INPP4B: variants seen among roughly 807,000 people sequenced by gnomAD.
INPP4B encodes inositol polyphosphate 4-phosphatase type II.
In INPP4B, 55 loss-of-function variants were observed where a neutral mutation model predicts 122.5. The ratio of observed to expected loss-of-function variants is 0.45; its 90% CI spans 0.36 to 0.56. INPP4B has a LOEUF of 0.56. Ranked by LOEUF, INPP4B falls within the 20% of genes least tolerant of loss-of-function variation. INPP4B has a pLI of 0.00. For synonymous variants in INPP4B, 403 were observed against 388.7 expected (o/e 1.04, Z -0.43); for missense variants, 1,000 against 1,097.7 (o/e 0.91, Z 1.26).
intron 2 of INPP4B, among the ~76,000 whole-genome samples, chr4:142,607,294 A>G (rs912367008): frequency 3.3e-5 from 5 of 152,108 alleles, no homozygotes; most frequent in Non-Finnish European, 7.4e-5. Context: ...TACATATAAA[A>G]GTAGTCAAAT....
chr4:142,070,542 A>G (rs1470426544), intron 25 of INPP4B, among the ~76,000 whole-genome samples: 1 of 152,178 alleles, frequency 6.6e-6, no homozygotes, highest in Non-Finnish European at 1.5e-5. Flanking sequence ...AGAGGAAGTC[A>G]AATTTCCCCT....
At chr4:142,467,498 C>A (rs758848538) in intron 2 of INPP4B, among the ~76,000 whole-genome samples, 1 of 152,106 alleles carries the variant, frequency 6.6e-6, no homozygotes, top group Non-Finnish European at 1.5e-5. Flanking sequence ...AATGCTTATA[C>A]CACCATTGTA....
chr4:142,153,532 G>A (rs1027987518), intron 17 of INPP4B, among the ~76,000 whole-genome samples: 21 of 152,086 alleles, frequency 1.4e-4, no homozygotes, highest in Admixed American at 7.9e-4. Context: ...TTTTGAACCA[G>A]GCATTATAAA....
chr4:142,732,698 T>C (rs187613139), intron 1 of INPP4B, among the ~76,000 whole-genome samples: 36 of 152,126 alleles, frequency 2.4e-4, no homozygotes, highest in African/African-American at 7.2e-4. Flanking sequence ...CAAAAATAAA[T>C]GGAGAGAGAT....
intron 7 of INPP4B, among the ~76,000 whole-genome samples, chr4:142,363,401 T>C (rs919291010): frequency 1.3e-5 from 2 of 151,992 alleles, no homozygotes; most frequent in Non-Finnish European, 2.9e-5. Context: ...ATTATAATTA[T>C]ATAGAGCTAT....
At chr4:142,657,122 G>C (rs1017287536) in intron 2 of INPP4B, among the ~76,000 whole-genome samples, 3 of 152,126 alleles carry the variant, frequency 2.0e-5, no homozygotes, top group Admixed American at 2.0e-4. Flanking sequence ...GGTCCTCTGT[G>C]TGTGTACTGT....
intron 3 of INPP4B, among the ~76,000 whole-genome samples, chr4:142,435,054 C>G (rs750404700): frequency 6.6e-6 from 1 of 152,150 alleles, no homozygotes; most frequent in Non-Finnish European, 1.5e-5. Context: ...ATTGCTGTGT[C>G]TCAATGGACA....
intron 7 of INPP4B, among the ~76,000 whole-genome samples, chr4:142,350,886 T>C (rs899664443): frequency 6.6e-5 from 10 of 152,026 alleles, no homozygotes; most frequent in Non-Finnish European, 1.3e-4. Flanking sequence ...CTCAAAACCA[T>C]GTTTATCCTG....
chr4:142,088,816 T>C (rs1561076792), intron 23 of INPP4B, among the ~76,000 whole-genome samples: 1 of 152,186 alleles, frequency 6.6e-6, no homozygotes, highest in Non-Finnish European at 1.5e-5. Flanking sequence ...ATTCTTACGA[T>C]ATAAAGACCC....
chr4:142,548,219 G>C (rs28705195), intron 2 of INPP4B, among the ~76,000 whole-genome samples: 2,569 of 152,252 alleles, frequency 0.017, 64 homozygotes, highest in African/African-American at 0.058. Flanking sequence ...AGTCATGACA[G>C]AGCAATGTTT....
chr4:142,211,720 T>C (rs1486257448), intron 12 of INPP4B, among the ~76,000 whole-genome samples: 1 of 152,218 alleles, frequency 6.6e-6, no homozygotes, highest in East Asian at 1.9e-4. Context: ...TACTCTATGT[T>C]TCATCGATAA....
intron 5 of INPP4B, among the ~76,000 whole-genome samples, chr4:142,409,557 A>G (rs1804173943): frequency 6.6e-6 from 1 of 152,082 alleles, no homozygotes; most frequent in South Asian, 2.1e-4. Flanking sequence ...CTGAGACTCT[A>G]TCTCAAAAAA....
chr4:142,645,287 T>C (rs1387716775), intron 2 of INPP4B, among the ~76,000 whole-genome samples: 5 of 152,196 alleles, frequency 3.3e-5, no homozygotes, highest in Admixed American at 6.6e-5. Context: ...CATTAGGATG[T>C]AGAGGTTCTC....
chr4:142,224,137 G>T (rs146353048), intron 12 of INPP4B, among the ~76,000 whole-genome samples: 1 of 152,264 alleles, frequency 6.6e-6, no homozygotes, highest in East Asian at 1.9e-4. Flanking sequence ...GAAATAGCTA[G>T]ATATAAAATC....
intron 24 of INPP4B, among the ~76,000 whole-genome samples, chr4:142,084,284 C>T (rs559255797): frequency 2.4e-4 from 37 of 152,078 alleles, no homozygotes; most frequent in African/African-American, 7.7e-4. Context: ...CCACCATGCC[C>T]GGCTAATTTT....
At chr4:142,085,194 C>T (rs940717260) in intron 24 of INPP4B, among the ~76,000 whole-genome samples, 2 of 152,116 alleles carry the variant, frequency 1.3e-5, no homozygotes, top group African/African-American at 4.8e-5. Flanking sequence ...TTCATATGGG[C>T]TCATGGTAAA....
intron 7 of INPP4B, among the ~76,000 whole-genome samples, chr4:142,398,445 T>TATATAAAAA (rs749321202): frequency 2.7e-5 from 2 of 74,558 alleles, no homozygotes; most frequent in Non-Finnish European, 4.6e-5. Flanking sequence ...TATATATATA[T>TATATAAAAA]AAAACATATT....
chr4:142,626,566 T>C (rs1746456606), intron 2 of INPP4B, among the ~76,000 whole-genome samples: 1 of 151,966 alleles, frequency 6.6e-6, no homozygotes, highest in Non-Finnish European at 1.5e-5. Context: ...GGCTCTAAGT[T>C]CCATGTACGA....
intron 22 of INPP4B, among the ~76,000 whole-genome samples, chr4:142,109,457 T>C (rs1297568037): frequency 6.6e-6 from 1 of 152,156 alleles, no homozygotes; most frequent in East Asian, 1.9e-4. Context: ...GAAAGGACGA[T>C]GTCTTATAGT....
Sources: gnomAD v4.1 joint callset for allele counts (sites outside exome capture counted in the v4.1 genomes callset) on GRCh38, gnomAD v4.1.1 for gene constraint, MANE v1.5 for transcripts, NCBI Gene and HGNC (gene_info 2026-07-23, HGNC 2026-07-21) for gene names.